Variants in AMACR observed in about 807,000 individuals in gnomAD.
AMACR encodes alpha-methylacyl-CoA racemase, also known as 2-methylacyl-CoA racemase.
AMACR carries 18 observed loss-of-function variants against 22.2 expected under a neutral mutation model. The observed-to-expected ratio is 0.81, with a 90% confidence interval of 0.56 to 1.20. The LOEUF is 1.20. AMACR is among the 50% of genes most tolerant of loss of function. The pLI, the probability that AMACR is intolerant of heterozygous loss-of-function variation, is 0.00. For missense variants in AMACR, 499 were observed against 490.6 expected (o/e 1.02, Z -0.16); for synonymous variants, 213 against 191.3 (o/e 1.11, Z -0.94).
intron 4 of AMACR, among the ~76,000 whole-genome samples, chr5:33,991,947 C>T (rs1027225895): frequency 9.2e-5 from 14 of 152,150 alleles, no homozygotes; most frequent in Middle Eastern, 3.4e-3. Flanking sequence ...GGCACGATCT[C>T]GGCTCACTGC....
intron 4 of AMACR, among the ~76,000 whole-genome samples, chr5:33,991,278 A>T (rs1753464789): frequency 6.6e-6 from 1 of 152,022 alleles, no homozygotes; most frequent in African/African-American, 2.4e-5. Context: ...ACAGCCCACA[A>T]TCTCCCATCC....
intron 4 of AMACR, chr5:33,997,029 TA>T: frequency 1.5e-6 from 1 of 661,876 alleles, no homozygotes; most frequent in South Asian, 1.6e-5. Context: ...TTATTTTCAT[TA>T]AAACTTATTT....
At position 34,007,779 on chromosome 5, in the gene AMACR, G is replaced by A. The variant is rs1260483531; in HGVS notation, c.241C>T (p.Arg81Cys). 12 of 1,556,776 alleles carry A rather than the reference G, an allele frequency of 7.7e-6. No individual in the cohort carries two copies. Among genetic ancestry groups the A allele is most frequent in the African/African-American group, 1.4e-5 (1 of 73,842 alleles). ...CCGCGGGGCCCGGGCTCACCGCGGC[G>A]GAAGGGCTCCAGCAGCACATCCGAC... ...KRSDVLLEPF[R>C]RGVMEKLQLG... The change falls in exon 1 of 5, where the codon CGC becomes TGC. Residue 81 changes from arginine (R) to cysteine (C), a missense_variant. Arg to Cys is a radical substitution (Grantham distance 180). Transcript: ENST00000335606.
rs1314717439 is a variant in AMACR at position 33,997,050 on chromosome 5, T to C, written c.739+1591A>G. Reference sequence around the variant, plus strand: ...TCATTAAAACTTATTTAAGTCACTTTGGACCCAGCATGTCCTTAGGTTTTA... The same window carrying C: ...TCATTAAAACTTATTTAAGTCACTTCGGACCCAGCATGTCCTTAGGTTTTA... On this transcript the variant is annotated intron_variant, in intron 4 of 4. Coordinates refer to ENST00000335606, the MANE Select transcript of AMACR (RefSeq NM_014324.6). 28 of 705,460 alleles carry C rather than the reference T, an allele frequency of 4.0e-5. 1 individual carries two copies. In the East Asian group the frequency reaches 7.0e-4, roughly 18 times the overall value. 43.7% of individuals were successfully genotyped at this position (705,460 alleles called of 1,614,324 possible).
At chr5:34,005,723 T>A in intron 2 of AMACR, 33 bp downstream of exon 2, 1 of 1,612,782 alleles carries the variant, frequency 6.2e-7, no homozygotes, top group Non-Finnish European at 8.5e-7. Context: ...TGGAATAAAT[T>A]AAAAGTGTAG....
chr5:34,000,912 T>G (rs1373241880), intron 3 of AMACR, among the ~76,000 whole-genome samples: 2 of 152,216 alleles, frequency 1.3e-5, no homozygotes, highest in Non-Finnish European at 2.9e-5. Context: ...CTCTTTTATA[T>G]GTTGAACGCC....
chr5:33,994,796 C>A (rs995319363), intron 4 of AMACR, among the ~76,000 whole-genome samples: 2 of 152,054 alleles, frequency 1.3e-5, no homozygotes, highest in African/African-American at 2.4e-5. Context: ...TTAAACTCAG[C>A]AGAAGAATAC....
In AMACR at chr5:33,989,099, A is replaced by G. The variant is rs763893617; in HGVS notation, c.1143T>C (p.Ser381=). The G allele has an allele frequency of 1.2e-5, 19 of 1,614,070 alleles. No individual in the cohort carries two copies. In the South Asian group the frequency reaches 1.6e-4, roughly 14 times the overall value. Residue 381 remains serine (S), a synonymous_variant, in exon 5 of 5, where the codon AGT becomes AGC. Coordinates refer to ENST00000335606, the MANE Select transcript of AMACR (RefSeq NM_014324.6). The stretch of plus-strand genomic sequence containing the variant: ...TGAGCCGTGGGCCTGGAAGTTAGAG[A>G]CTAGCTTTTACCTTATTACTTTCAA... ...KIIESNKVKA[S]L
At chr5:34,005,963 C>T in intron 1 of AMACR, 64 bp from the exon 2 acceptor site, 6 of 1,576,498 alleles carry the variant, frequency 3.8e-6, no homozygotes, top group Non-Finnish European at 4.3e-6. Context: ...AATCCCTTCT[C>T]TGAGACAAAC....
In AMACR at chr5:34,003,332, T is replaced by C. The variant is rs570766750; in HGVS notation, c.552+1242A>G. 3.3e-5 allele frequency among the ~76,000 whole-genome samples: 5 copies of C among 152,296 alleles called. No individual in the cohort carries two copies. In the South Asian group the frequency reaches 1.0e-3, roughly 32 times the overall value. ...CTGAAAAGACCAAAACTGAGTTCCT[T>C]TTCTTCTAGTAAAAATAACCACAAT... On this transcript the variant is annotated intron_variant, in intron 3 of 4. Transcript: ENST00000335606.
Position 33,989,459 on chromosome 5 carries a change from C to T in AMACR, c.783G>A (p.Met261Ile), listed in dbSNP as rs9282593. The T allele has an allele frequency of 1.2e-4, 190 of 1,614,202 alleles. No individual in the cohort carries two copies. Among genetic ancestry groups the T allele is most frequent in the African/African-American group, 1.2e-3 (87 of 75,050 alleles). The stretch of plus-strand genomic sequence containing the variant: ...TCTTCTTCATTTCTGGCCAATCATC[C>T]ATGCTCATCTGATTGGGAAGTTCAT... ...KSDELPNQMSMDDWPEMKKKF... is the reference protein window; with the variant it reads ...KSDELPNQMSIDDWPEMKKKF... Residue 261 changes from methionine to isoleucine, a missense_variant, in exon 5 of 5, where the codon ATG becomes ATA. By Grantham distance (10) the Met-to-Ile change is conservative. Coordinates refer to ENST00000335606, the MANE Select transcript of AMACR (RefSeq NM_014324.6).
At chr5:34,000,112 A>G (rs147610212) in intron 3 of AMACR, among the ~76,000 whole-genome samples, 59 of 152,320 alleles carry the variant, frequency 3.9e-4, no homozygotes, top group African/African-American at 1.4e-3. Context: ...CATAAATATT[A>G]CCTTGTATTT....
Position 33,988,163 on chromosome 5 carries a change from G to A in AMACR, c.*930C>T, listed in dbSNP as rs1395576603. 1 of 673,692 alleles carries A rather than the reference G, an allele frequency of 1.5e-6. No individual in the cohort carries two copies. The highest frequency in any genetic ancestry group is 1.8e-5 in the African/African-American group (1 of 55,330). The allele number at this position is 673,692 out of a possible 1,614,324, so 41.7% of individuals were successfully genotyped here. A position where few individuals can be genotyped will look rare whatever the true frequency, so the allele number is the denominator to read the frequency against. On this transcript the variant is annotated 3_prime_UTR_variant, in exon 5 of 5. Coordinates refer to ENST00000335606, the MANE Select transcript of AMACR (RefSeq NM_014324.6). The stretch of plus-strand genomic sequence containing the variant: ...CCCCTTCCTCACATGCCTTTAGGAA[G>A]TTGAGTCCAGGGAAGCTCCAGGAGC...
Position 34,006,098 on chromosome 5 carries a change from G to A in AMACR, c.248-199C>T, listed in dbSNP as rs34685. 0.12 allele frequency among the ~76,000 whole-genome samples: 17,870 copies of A among 152,232 alleles called. 1,115 individuals carry two copies. Among genetic ancestry groups the A allele is most frequent in the East Asian group, 0.17 (858 of 5,188 alleles). ...GGAATGTGTGGCTTCTTCCCAGGAT[G>A]TAATTTCTCCCAGTACATCTCTGTT... On this transcript the variant is annotated intron_variant, in intron 1 of 4. Coordinates refer to ENST00000335606, the MANE Select transcript of AMACR (RefSeq NM_014324.6).
chr5:34,000,978 C>T (rs1753798524), intron 3 of AMACR, among the ~76,000 whole-genome samples: 1 of 152,092 alleles, frequency 6.6e-6, no homozygotes, highest in Non-Finnish European at 1.5e-5. Flanking sequence ...CCAGTTGGGT[C>T]CACTCAGGAC....
At chr5:34,000,510 T>TC (rs975305974) in intron 3 of AMACR, among the ~76,000 whole-genome samples, 16 of 152,128 alleles carry the variant, frequency 1.1e-4, no homozygotes, top group African/African-American at 3.9e-4. Context: ...GGGTCTTTTT[T>TC]TTTTTGAAAT....
chr5:34,001,193 G>A (rs1219283280), intron 3 of AMACR, among the ~76,000 whole-genome samples: 1 of 152,186 alleles, frequency 6.6e-6, no homozygotes, highest in African/African-American at 2.4e-5. Context: ...ACCAACCTTT[G>A]ATACTGTTAA....
chr5:34,007,901 C>A lies in AMACR; in HGVS notation c.119G>T (p.Arg40Leu). ...RVVRVDRPGS[R>L]YDVSRLGRGK... ...CCGGCCCAAGCGGCTCACGTCGTAG[C>A]GGGAGCCGGGCCGGTCCACGCGTAC... The change falls in exon 1 of 5, where the codon CGC becomes CTC. Residue 40 changes from arginine to leucine, a missense_variant. Coordinates refer to ENST00000335606, the MANE Select transcript of AMACR (RefSeq NM_014324.6). The A allele has an allele frequency of 6.2e-7, 1 of 1,603,002 alleles. No homozygotes were observed. The highest frequency in any genetic ancestry group is 1.1e-5 in the South Asian group (1 of 90,496).
Position 33,989,420 on chromosome 5 carries a change from T to C in AMACR, c.822A>G (p.Val274=). Residue 274 remains valine (V), a synonymous_variant, in exon 5 of 5, where the codon GTA becomes GTG. Transcript: ENST00000335606. The stretch of plus-strand genomic sequence containing the variant: ...ACTCTGCCTTCGTCTTCTCTGCAAA[T>C]ACATCTGCAAACTTCTTCTTCATTT... ...WPEMKKKFAD[V]FAEKTKAEWC... 6.2e-7 allele frequency: 1 copy of C among 1,614,172 alleles called. No individual in the cohort carries two copies. Among genetic ancestry groups the C allele is most frequent in the Non-Finnish European group, 8.5e-7 (1 of 1,179,996 alleles).
Sources: allele counts gnomAD v4.1 joint callset (sites outside exome capture counted in the v4.1 genomes callset), GRCh38; gene constraint gnomAD v4.1.1; transcripts MANE v1.5; gene names NCBI Gene and HGNC (gene_info 2026-07-23, HGNC 2026-07-21).